Variants in BTBD2 observed in about 807,000 individuals in gnomAD.
The protein encoded by BTBD2 is BTB/POZ domain-containing protein 2.
In BTBD2, 15 loss-of-function variants were observed where a neutral mutation model predicts 44.0. The observed-to-expected ratio is 0.34, with a 90% confidence interval of 0.23 to 0.53. BTBD2 has a LOEUF of 0.53. Among genes scored for constraint, BTBD2 ranks in the 20% least tolerant of loss-of-function variants. BTBD2 has a pLI of 0.95. For missense variants in BTBD2, 657 were observed against 746.4 expected, an observed-to-expected ratio of 0.88 and a Z score of 1.39; for synonymous variants, 443 against 335.9, an observed-to-expected ratio of 1.32 and a Z score of -3.49.
intron 1 of BTBD2, among the ~76,000 whole-genome samples, chr19:1,999,537 G>A (rs892151675): frequency 5.3e-5 from 8 of 152,132 alleles, no homozygotes; most frequent in African/African-American, 1.7e-4. Context: ...ATCGTGGTGA[G>A]CAAGTGCAAT....
intron 5 of BTBD2, chr19:1,988,014 G>A: frequency 3.2e-6 from 1 of 308,692 alleles, no homozygotes; most frequent in Non-Finnish European, 6.1e-6. Flanking sequence ...CTTCACTGTG[G>A]GTGGGGGCGG....
In BTBD2 at chr19:1,990,029, G is replaced by A; in HGVS notation, c.963C>T (p.Leu321=). The A allele has an allele frequency of 1.2e-6, 2 of 1,613,410 alleles. No individual in the cohort carries two copies. Among genetic ancestry groups the A allele is most frequent in the South Asian group, 2.2e-5 (2 of 91,084 alleles). Reference sequence around the variant, plus strand: ...CTGCAGCGAACTCCTCGATGGTCATGAGCGGGAAGCGAATGAGGCCCAGGG... The same window carrying A: ...CTGCAGCGAACTCCTCGATGGTCATAAGCGGGAAGCGAATGAGGCCCAGGG... ...GKALGLIRFP[L]MTIEEFAAGP... Residue 321 remains leucine (L), a synonymous_variant, in exon 5 of 9, where the codon CTC becomes CTT. Coordinates refer to ENST00000255608, the MANE Select transcript of BTBD2 (RefSeq NM_017797.4).
Position 2,015,476 on chromosome 19 carries a change from C to A in BTBD2, c.228G>T (p.Arg76=), listed in dbSNP as rs1406660184. Residue 76 remains arginine, a synonymous_variant, in exon 1 of 9, where the codon CGG becomes CGT. Transcript: ENST00000255608. The stretch of plus-strand genomic sequence containing the variant: ...CCCCCGGGCCCGCCGCCTCCTCCGC[C>A]CGCTCCGCGCCCGCGGCCTGCGCGT... ...GTDAQAAGAE[R]AEEAAGPGAA... The A allele has an allele frequency of 2.4e-6, 3 of 1,245,222 alleles. No homozygotes were observed. Among genetic ancestry groups the A allele is most frequent in the Middle Eastern group, 3.2e-4 (1 of 3,158 alleles). 77.1% of individuals were successfully genotyped at this position (1,245,222 alleles called of 1,614,324 possible).
intron 2 of BTBD2, among the ~76,000 whole-genome samples, chr19:1,996,653 G>A (rs1327735318): frequency 2.0e-5 from 3 of 152,080 alleles, no homozygotes; most frequent in Admixed American, 2.0e-4. Context: ...GGAGGCTGAG[G>A]CAGGCGGATC....
chr19:1,990,340 T>A, intron 4 of BTBD2, 139 bp from the exon 5 acceptor site: 1 of 878,490 alleles, frequency 1.1e-6, no homozygotes, highest in East Asian at 2.7e-5. Flanking sequence ...GCCCTGTGAG[T>A]GTGTTTATAA....
At chr19:2,011,838 G>C (rs1011968286) in intron 1 of BTBD2, among the ~76,000 whole-genome samples, 11 of 152,006 alleles carry the variant, frequency 7.2e-5, no homozygotes, top group African/African-American at 2.4e-4. Flanking sequence ...ACAGCAAACA[G>C]GATTTCTCCT....
At chr19:2,012,314 G>A (rs969670482) in intron 1 of BTBD2, among the ~76,000 whole-genome samples, 8 of 150,044 alleles carry the variant, frequency 5.3e-5, no homozygotes, top group African/African-American at 1.5e-4. Context: ...CACCACGCCC[G>A]GCTAATTTTT....
chr19:2,006,868 T>C (rs771894126), intron 1 of BTBD2, among the ~76,000 whole-genome samples: 1 of 152,006 alleles, frequency 6.6e-6, no homozygotes, highest in Non-Finnish European at 1.5e-5. Flanking sequence ...TTTTTATTTT[T>C]TATTTTTTTG....
rs113648977 is a variant in BTBD2, at chr19:1,997,376, G to A, written c.495C>T (p.Asp165=). 148 of 1,614,168 alleles carry A rather than the reference G, an allele frequency of 9.2e-5. 4 individuals are homozygous for A. In the African/African-American group the frequency reaches 1.0e-3, roughly 11 times the overall value. The stretch of plus-strand genomic sequence containing the variant: ...GTGCGAGGAAGGCAGCGGGTTCCAC[G>A]TCGGGCAGCTCAATCTCCGTGGATG... ...ATTSTEIELP[D]VEPAAFLALL... Residue 165 remains aspartate, a synonymous_variant, in exon 2 of 9, where the codon GAC becomes GAT. Coordinates refer to ENST00000255608, the MANE Select transcript of BTBD2 (RefSeq NM_017797.4).
Position 1,986,052 on chromosome 19 carries a change from G to C in BTBD2, c.*436C>G. Reference sequence around the variant, plus strand: ...AAGGAACGCAAGGTCTGGGACCCACGGCTCTGGGAGCAGCGCCACCCAGGC... The same window carrying C: ...AAGGAACGCAAGGTCTGGGACCCACCGCTCTGGGAGCAGCGCCACCCAGGC... On this transcript the variant is annotated 3_prime_UTR_variant, in exon 9 of 9. Coordinates refer to ENST00000255608, the MANE Select transcript of BTBD2 (RefSeq NM_017797.4). 5.7e-6 allele frequency: 1 copy of C among 174,492 alleles called. No individual in the cohort carries two copies. Among genetic ancestry groups the C allele is most frequent in the Non-Finnish European group, 1.2e-5 (1 of 81,924 alleles). The allele number at this position is 174,492 out of a possible 1,614,324, so 10.8% of individuals were successfully genotyped here. A position where few individuals can be genotyped will look rare whatever the true frequency, so the allele number is the denominator to read the frequency against.
At position 2,015,315 on chromosome 19, in the gene BTBD2, T is replaced by C; in HGVS notation, c.389A>G (p.Gln130Arg). The C allele has an allele frequency of 6.4e-7, 1 of 1,569,618 alleles. No individual in the cohort carries two copies. Among genetic ancestry groups the C allele is most frequent in the Non-Finnish European group, 8.6e-7 (1 of 1,165,174 alleles). ...HFLVGKGLSS[Q>R]RIPAHRFVLA... ...CGCCCACCTGTGCGCGGGGATGCGCTGCGAGCTGAGCCCCTTGCCCACCAG... is the reference window on the plus strand; with the variant it reads ...CGCCCACCTGTGCGCGGGGATGCGCCGCGAGCTGAGCCCCTTGCCCACCAG... The change falls in exon 1 of 9, where the codon CAG becomes CGG. Residue 130 changes from glutamine to arginine, a missense_variant. By Grantham distance (43) the Gln-to-Arg change is conservative. Around this residue, in one of 3 missense-constraint regions of BTBD2, gnomAD observed 191 missense variants for 188.5 expected, o/e 1.01. Coordinates refer to ENST00000255608, the MANE Select transcript of BTBD2 (RefSeq NM_017797.4).
At chr19:2,011,204 C>T (rs1441211831) in intron 1 of BTBD2, among the ~76,000 whole-genome samples, 1 of 152,060 alleles carries the variant, frequency 6.6e-6, no homozygotes, top group Admixed American at 6.6e-5. Context: ...CCCACCACAG[C>T]CCCCCACGCC....
intron 1 of BTBD2, among the ~76,000 whole-genome samples, chr19:2,004,120 T>C (rs1373921337): frequency 6.6e-6 from 1 of 151,860 alleles, no homozygotes; most frequent in Non-Finnish European, 1.5e-5. Context: ...GCTAAGAGTT[T>C]CCCCCCTTTC....
rs747833020 is a variant in BTBD2 at position 1,997,366 on chromosome 19, C to T, written c.505G>A (p.Ala169Thr). ...TACTTGAGCAGTGCGAGGAAGGCAG[C>T]GGGTTCCACGTCGGGCAGCTCAATC... is the stretch of plus-strand genomic sequence containing the variant. ...TEIELPDVEP[A>T]AFLALLKFLY... The change falls in exon 2 of 9, where the codon GCT becomes ACT. Residue 169 changes from alanine (A) to threonine (T), a missense_variant. Physicochemically the swap from Ala to Thr is moderately conservative, Grantham distance 58. Around this residue, in one of 3 missense-constraint regions of BTBD2, gnomAD observed 17 missense variants for 47.0 expected, o/e 0.36. Transcript: ENST00000255608. The T allele has an allele frequency of 2.5e-6, 4 of 1,614,040 alleles. No individual in the cohort carries two copies. The highest frequency in any genetic ancestry group is 2.7e-5 in the African/African-American group (2 of 74,924).
intron 1 of BTBD2, among the ~76,000 whole-genome samples, chr19:2,007,179 C>T (rs1351098191): frequency 1.3e-5 from 2 of 151,652 alleles, no homozygotes; most frequent in African/African-American, 4.8e-5. Context: ...TTAGTAGAGA[C>T]GGAGTATCAC....
chr19:1,993,126 G>A lies in BTBD2; in HGVS notation c.578C>T (p.Thr193Met), dbSNP rs1438437676. 1.2e-6 allele frequency: 2 copies of A among 1,607,896 alleles called. No homozygotes were observed. The highest frequency in any genetic ancestry group is 1.7e-5 in the Admixed American group (1 of 59,968). ...VQIGPETVMT[T>M]LYTAKKYAVP... Reference sequence around the variant, plus strand: ...CGCGTACTTCTTGGCGGTGTATAGCGTGGTCATCACCGTCTCCGGGCCAAT... The same window carrying A: ...CGCGTACTTCTTGGCGGTGTATAGCATGGTCATCACCGTCTCCGGGCCAAT... The change falls in exon 3 of 9, where the codon ACG becomes ATG. Residue 193 changes from threonine to methionine, a missense_variant. Around this residue, in one of 3 missense-constraint regions of BTBD2, gnomAD observed 449 missense variants for 510.9 expected, o/e 0.88. Coordinates refer to ENST00000255608, the MANE Select transcript of BTBD2 (RefSeq NM_017797.4).
intron 2 of BTBD2, 34 bp from the exon 3 acceptor site, chr19:1,993,210 A>G (rs1217407903): frequency 2.5e-6 from 4 of 1,576,564 alleles, no homozygotes; most frequent in Admixed American, 1.7e-5. Flanking sequence ...GTGAGGTGGG[A>G]CCGCCATGCC....
chr19:1,992,933 CTCCG>C, intron 3 of BTBD2, 83 bp downstream of exon 3: 5 of 840,838 alleles, frequency 5.9e-6, no homozygotes, highest in Non-Finnish European at 7.9e-6. Flanking sequence ...CCGGCCCCGC[CTCCG>C]CCTCCAGCCT....
chr19:1,994,736 G>A (rs2016228006), intron 2 of BTBD2, among the ~76,000 whole-genome samples: 1 of 152,176 alleles, frequency 6.6e-6, no homozygotes, highest in Non-Finnish European at 1.5e-5. Context: ...TCCAGCCATG[G>A]TGGCAGAGCG....
Sources: gnomAD v4.1 joint callset for allele counts (sites outside exome capture counted in the v4.1 genomes callset) on GRCh38, gnomAD v4.1.1 for gene constraint, gnomAD v4.1.1 regional missense constraint, MANE v1.5 for transcripts, NCBI Gene and HGNC (gene_info 2026-07-23, HGNC 2026-07-21) for gene names.